SLC9B2: variants seen among roughly 807,000 people sequenced by gnomAD.
SLC9B2 encodes the protein sodium/hydrogen exchanger 9B2.
A neutral mutation model predicts 52.2 loss-of-function variants in SLC9B2; 39 were observed. That is an observed-to-expected ratio of 0.75 (90% CI 0.58 to 0.98). The LOEUF (loss-of-function observed/expected upper bound fraction) is 0.98, where lower values mean the gene tolerates loss of function less well. Among genes scored for constraint, SLC9B2 ranks in the 50% least tolerant of loss-of-function variants. The pLI is 0.00. For missense variants in SLC9B2, 626 were observed against 637.5 expected, an observed-to-expected ratio of 0.98 and a Z score of 0.19; for synonymous variants, 214 against 227.0, an observed-to-expected ratio of 0.94 and a Z score of 0.51.
chr4:103,067,676 C>G (rs912098005), intron 1 of SLC9B2, 84 bp from the exon 2 acceptor site: 8 of 744,348 alleles, frequency 1.1e-5, no homozygotes, highest in Admixed American at 2.4e-5. Flanking sequence ...ATTTTTTTCC[C>G]TAAAAATTCC....
chr4:103,066,572 T>C (rs779688327), intron 2 of SLC9B2, 65 bp from the exon 3 acceptor site: 99 of 1,432,760 alleles, frequency 6.9e-5, no homozygotes, highest in Middle Eastern at 4.3e-4. Context: ...TTATAGGTAC[T>C]GCATCATCAC....
Position 103,050,321 on chromosome 4 carries a change from G to C in SLC9B2, c.504C>G (p.Ile168Met). 1 of 1,610,964 alleles carries C rather than the reference G, an allele frequency of 6.2e-7. No individual in the cohort carries two copies. Among genetic ancestry groups the C allele is most frequent in the Non-Finnish European group, 8.5e-7 (1 of 1,178,566 alleles). The change falls in exon 5 of 12, where the codon ATC (isoleucine) becomes ATG (methionine). Residue 168 changes from isoleucine (I) to methionine (M), a missense_variant. Physicochemically the swap from Ile to Met is conservative, Grantham distance 10. Coordinates refer to ENST00000394785, the MANE Select transcript of SLC9B2 (RefSeq NM_178833.7). ...NIPVINDNVQ[I>M]KHKWSSSLRS... The stretch of plus-strand genomic sequence containing the variant: ...TCAAAGAGGAAGACCACTTGTGCTT[G>C]ATCTGCACATTATCGTTGATGACTG...
Position 103,031,773 on chromosome 4 carries a change from G to A in SLC9B2, c.1182C>T (p.Asp394=). ...EVEKIIAVAW[D]IFQPLLFGLI... ...GTCCAAAAAGAAGGGGCTGAAAAAT[G>A]TCCCAGGCAACTGCAATTATCTTTT... Residue 394 remains aspartate (D), a synonymous_variant, in exon 10 of 12, where the codon GAC becomes GAT. Transcript: ENST00000394785. 6.2e-7 allele frequency: 1 copy of A among 1,612,744 alleles called. No homozygotes were observed.
chr4:103,056,367 C>G (rs948036687), intron 4 of SLC9B2, among the ~76,000 whole-genome samples: 1 of 152,098 alleles, frequency 6.6e-6, no homozygotes, highest in African/African-American at 2.4e-5. Context: ...CCTATCTCAG[C>G]CTCCCAAGTA....
At chr4:103,047,553 C>T (rs1307020522) in intron 6 of SLC9B2, among the ~76,000 whole-genome samples, 1 of 124,770 alleles carries the variant, frequency 8.0e-6, no homozygotes, top group Non-Finnish European at 1.7e-5. Flanking sequence ...CCTCCCCCCA[C>T]CCCACAACAG....
intron 3 of SLC9B2, among the ~76,000 whole-genome samples, chr4:103,062,680 G>C (rs1418757857): frequency 2.6e-5 from 4 of 152,156 alleles, no homozygotes; most frequent in African/African-American, 9.6e-5. Flanking sequence ...CAGTGCAATG[G>C]CACGATCTCA....
At chr4:103,051,703 C>T (rs779425140) in intron 4 of SLC9B2, among the ~76,000 whole-genome samples, 2 of 152,222 alleles carry the variant, frequency 1.3e-5, no homozygotes, top group African/African-American at 2.4e-5. Context: ...ATGTATTTCA[C>T]TGTTAAGGGT....
chr4:103,048,670 C>A, intron 6 of SLC9B2: 1 of 454,416 alleles, frequency 2.2e-6, no homozygotes, highest in Non-Finnish European at 3.8e-6. Flanking sequence ...CAAAAGACCA[C>A]GACTTCTTCA....
chr4:103,052,223 A>G (rs950523977), intron 4 of SLC9B2, among the ~76,000 whole-genome samples: 1 of 152,212 alleles, frequency 6.6e-6, no homozygotes, highest in Non-Finnish European at 1.5e-5. Context: ...GATTCTCATA[A>G]GGAGCACACA....
In SLC9B2 at chr4:103,023,611, G is replaced by A. The variant is rs1207369721; in HGVS notation, c.*2759C>T. ...AGCAATTAATAAATTCCTACAAAGA[G>A]CTTCCAGGAATAGGCACAAATTTCA... On this transcript the variant is annotated 3_prime_UTR_variant, in exon 12 of 12. Coordinates refer to ENST00000394785, the MANE Select transcript of SLC9B2 (RefSeq NM_178833.7). 6.6e-6 allele frequency among the ~76,000 whole-genome samples: 1 copy of A among 152,172 alleles called. No individual in the cohort carries two copies. The highest frequency in any genetic ancestry group is 1.5e-5 in the Non-Finnish European group (1 of 68,036).
chr4:103,043,193 T>C, intron 9 of SLC9B2, 103 bp downstream of exon 9: 1 of 1,258,724 alleles, frequency 7.9e-7, no homozygotes, highest in Non-Finnish European at 1.1e-6. Context: ...ATAGCTTTTA[T>C]AATGAAATAC....
At position 103,067,485 on chromosome 4, in the gene SLC9B2, C is replaced by T. The variant is rs367631194; in HGVS notation, c.66G>A (p.Thr22=). 1.7e-4 allele frequency: 276 copies of T among 1,613,230 alleles called. No homozygotes were observed. In the Middle Eastern group the frequency reaches 4.1e-3, roughly 24 times the overall value. ...CCTGTGCTTCTTGATGCATGGAGGG[C>T]GTGTAATTCATTCCTGTGGATGGTT... is the stretch of plus-strand genomic sequence containing the variant. ...DSEPSTGMNY[T]PSMHQEAQEE... The change falls in exon 2 of 12, where the codon ACG becomes ACA. Residue 22 remains threonine (T), a synonymous_variant. Transcript: ENST00000394785.
At chr4:103,046,613 GCT>G (rs536173593) in intron 7 of SLC9B2, among the ~76,000 whole-genome samples, 297 of 151,730 alleles carry the variant, frequency 2.0e-3, no homozygotes, top group Non-Finnish European at 3.2e-3. Flanking sequence ...CACTTGGACT[GCT>G]CTCTGTCATT....
At chr4:103,065,601 C>G (rs931744122) in intron 3 of SLC9B2, 4 of 152,092 alleles carry the variant, frequency 2.6e-5, no homozygotes, top group Non-Finnish European at 5.9e-5. Context: ...CAAATCTCTT[C>G]TTTTTTCTGC....
chr4:103,019,190 G>C (rs1038923245), downstream of SLC9B2, among the ~76,000 whole-genome samples: 2 of 152,086 alleles, frequency 1.3e-5, no homozygotes, highest in Non-Finnish European at 2.9e-5. Context: ...TCTCAGGATC[G>C]GCAACCAATC....
chr4:103,040,982 C>T (rs1026792239), intron 9 of SLC9B2, among the ~76,000 whole-genome samples: 2 of 152,120 alleles, frequency 1.3e-5, no homozygotes, highest in Non-Finnish European at 2.9e-5. Flanking sequence ...TTTGAGAAAA[C>T]TATTCTAAGG....
At chr4:103,030,624 G>T (rs761297870) in intron 10 of SLC9B2, among the ~76,000 whole-genome samples, 2 of 151,872 alleles carry the variant, frequency 1.3e-5, no homozygotes, top group African/African-American at 2.4e-5. Context: ...TGGTAGAGAC[G>T]GGGGGAAGTG....
chr4:103,040,398 A>G (rs1157522809), intron 9 of SLC9B2, among the ~76,000 whole-genome samples: 1 of 152,256 alleles, frequency 6.6e-6, no homozygotes, highest in Non-Finnish European at 1.5e-5. Context: ...ATAATGCTTC[A>G]GACTAGTTGA....
chr4:103,042,402 A>C (rs1270589846), intron 9 of SLC9B2: 2 of 152,118 alleles, frequency 1.3e-5, no homozygotes, highest in Non-Finnish European at 2.9e-5. Context: ...CTGAAAATTA[A>C]AATAAATAAA....
Sources: gnomAD v4.1 joint callset for allele counts (sites outside exome capture counted in the v4.1 genomes callset) on GRCh38, gnomAD v4.1.1 for gene constraint, MANE v1.5 for transcripts, NCBI Gene and HGNC (gene_info 2026-07-23, HGNC 2026-07-21) for gene names.